Variants in C19orf38 observed in about 807,000 individuals in gnomAD.
The protein encoded by C19orf38 is protein HIDE1.
A neutral mutation model predicts 26.6 loss-of-function variants in C19orf38; 14 were observed. The observed-to-expected ratio is 0.53, with a 90% CI of 0.35 to 0.82. The LOEUF is 0.82. Ranked by LOEUF, C19orf38 falls within the 40% of genes least tolerant of loss-of-function variation. The pLI is 0.01. For synonymous variants in C19orf38, 132 were observed against 128.5 expected, an observed-to-expected ratio of 1.03 and a Z score of -0.18; for missense variants, 261 against 299.5, an observed-to-expected ratio of 0.87 and a Z score of 0.95.
chr19:10,856,809 A>T (rs1398030602), intron 3 of C19orf38, among the ~76,000 whole-genome samples: 1 of 147,564 alleles, frequency 6.8e-6, no homozygotes, highest in Non-Finnish European at 1.5e-5. Context: ...CGGCCTAAAA[A>T]TTTTTTATTT....
rs1443740802 is a variant in C19orf38, at chr19:10,859,378, ATATATAT to A, written c.462-535_462-529del. On this transcript the variant is annotated intron_variant, in intron 4 of 6. Transcript: ENST00000397820. ...TATATATATATATATATATATATAT[ATATATAT>A]TTTTTTTTTTTTTTTTAGACGGAGT... Among the ~76,000 whole-genome samples, 96 of 35,730 alleles carry A rather than the reference ATATATAT, an allele frequency of 2.7e-3. 1 individual carries two copies. The highest frequency in any genetic ancestry group is 0.016 in the Middle Eastern group (1 of 62). 23.4% of individuals were successfully genotyped at this position (35,730 alleles called of 152,430 possible). A position where few individuals can be genotyped will look rare whatever the true frequency, so the allele number is the denominator to read the frequency against.
intron 2 of C19orf38, among the ~76,000 whole-genome samples, chr19:10,852,694 G>A (rs1430594457): frequency 6.6e-6 from 1 of 152,200 alleles, no homozygotes; most frequent in African/African-American, 2.4e-5. Context: ...CTGAAGGATG[G>A]TGAACAAGGA....
chr19:10,862,586 T>C (rs1390891140), intron 5 of C19orf38, among the ~76,000 whole-genome samples: 1 of 151,998 alleles, frequency 6.6e-6, no homozygotes, highest in Non-Finnish European at 1.5e-5. Flanking sequence ...TCCCAGCATT[T>C]TGGGAGGCCG....
chr19:10,845,575 G>T (rs2073510147), upstream of C19orf38, among the ~76,000 whole-genome samples: 1 of 152,124 alleles, frequency 6.6e-6, no homozygotes, highest in Non-Finnish European at 1.5e-5. Context: ...ACCTTTAAAT[G>T]CTTGTATTAG....
At chr19:10,847,519 G>A (rs1034106489), upstream of C19orf38, among the ~76,000 whole-genome samples, 10 of 151,934 alleles carry the variant, frequency 6.6e-5, no homozygotes, top group Non-Finnish European at 1.0e-4. Context: ...GATTACAGGC[G>A]TGTGCCACCA....
chr19:10,845,164 A>G (rs1201899430), upstream of C19orf38, among the ~76,000 whole-genome samples: 2 of 151,924 alleles, frequency 1.3e-5, no homozygotes, highest in Admixed American at 1.3e-4. Context: ...TGTCTCCAAA[A>G]AAAAAAAAAG....
chr19:10,842,324 G>A (rs1033690149), intron 1 of C19orf38: 22 of 667,576 alleles, frequency 3.3e-5, no homozygotes, highest in African/African-American at 9.1e-5. Flanking sequence ...GCAGTGGCGC[G>A]ACCTTGGCTC....
chr19:10,858,581 T>C (rs1430123992), intron 4 of C19orf38, among the ~76,000 whole-genome samples: 1 of 152,168 alleles, frequency 6.6e-6, no homozygotes, highest in East Asian at 1.9e-4. Flanking sequence ...TGAATAGCCC[T>C]ATTTTACAGA....
chr19:10,858,796 T>A (rs2073658069), intron 4 of C19orf38, among the ~76,000 whole-genome samples: 1 of 152,150 alleles, frequency 6.6e-6, no homozygotes, highest in Admixed American at 6.5e-5. Context: ...GGCACCAGGA[T>A]GTCCTAACTG....
chr19:10,853,909 T>G (rs888060722), intron 2 of C19orf38, among the ~76,000 whole-genome samples: 4 of 150,718 alleles, frequency 2.7e-5, no homozygotes, highest in Non-Finnish European at 4.4e-5. Flanking sequence ...GTTTTTTTTT[T>G]TTTTTTTTTA....
chr19:10,862,994 CTTTGTAGCTGTGAACAG>C (rs1310829151), intron 5 of C19orf38, among the ~76,000 whole-genome samples, 159 bp from the exon 6 acceptor site: 3 of 152,058 alleles, frequency 2.0e-5, no homozygotes, highest in Non-Finnish European at 4.4e-5. Context: ...ACTTGGTTCA[CTTTGTAGCTGTGAACAG>C]TTCACCGTGC....
chr19:10,855,284 C>T (rs2073612787), intron 2 of C19orf38, among the ~76,000 whole-genome samples: 1 of 152,026 alleles, frequency 6.6e-6, no homozygotes, highest in East Asian at 1.9e-4. Flanking sequence ...CCACCCACCT[C>T]AGTCTCCCAA....
At chr19:10,859,244 ATGTGTGTGTGTG>A (rs35791729) in intron 4 of C19orf38, among the ~76,000 whole-genome samples, 7 of 119,430 alleles carry the variant, frequency 5.9e-5, no homozygotes, top group South Asian at 2.9e-4. Flanking sequence ...GCTTTTATAT[ATGTGTGTGTGTG>A]TGTGTGTGTG....
intron 4 of C19orf38, 144 bp downstream of exon 4, chr19:10,858,487 GC>G: frequency 1.3e-6 from 1 of 765,960 alleles, no homozygotes; most frequent in Non-Finnish European, 2.1e-6. Flanking sequence ...TTTATTAAGT[GC>G]CTCCTGTGTG....
chr19:10,853,593 A>G (rs1165958048), intron 2 of C19orf38, among the ~76,000 whole-genome samples: 5 of 112,354 alleles, frequency 4.5e-5, no homozygotes, highest in South Asian at 2.8e-4. Context: ...GCTCCCCCCA[A>G]TTTTTTTTTT....
intron 1 of C19orf38, chr19:10,842,383 C>A: frequency 1.9e-6 from 1 of 525,358 alleles, no homozygotes; most frequent in East Asian, 3.5e-5. Flanking sequence ...GCCTCAGCCT[C>A]CCGAGTAGCT....
chr19:10,853,652 C>T (rs1364254360), intron 2 of C19orf38, among the ~76,000 whole-genome samples: 2 of 148,112 alleles, frequency 1.4e-5, no homozygotes, highest in South Asian at 2.1e-4. Context: ...TACAGTGGCA[C>T]GATCTCGGCT....
At chr19:10,846,657 G>A (rs1001463805), upstream of C19orf38, among the ~76,000 whole-genome samples, 1 of 152,176 alleles carries the variant, frequency 6.6e-6, no homozygotes, top group Non-Finnish European at 1.5e-5. Context: ...ACTAATTTAT[G>A]TGTCAGGAAT....
At chr19:10,857,366 A>ATATATTTTTTTTT (rs1433358051) in intron 3 of C19orf38, among the ~76,000 whole-genome samples, 2 of 56,102 alleles carry the variant, frequency 3.6e-5, no homozygotes, top group African/African-American at 3.4e-4. Context: ...ATATATATAT[A>ATATATTTTTTTTT]TTTTTTTTTT....
Sources: gnomAD v4.1 joint callset for allele counts (sites outside exome capture counted in the v4.1 genomes callset) on GRCh38, gnomAD v4.1.1 for gene constraint, MANE v1.5 for transcripts, NCBI Gene and HGNC (gene_info 2026-07-23, HGNC 2026-07-21) for gene names.